C1QTNF7: variants seen among roughly 807,000 people sequenced by gnomAD.
The protein encoded by C1QTNF7 is complement C1q tumor necrosis factor-related protein 7.
C1QTNF7 carries 15 observed loss-of-function variants against 19.6 expected under a neutral mutation model. The ratio of observed to expected loss-of-function variants is 0.76; its 90% CI spans 0.51 to 1.18. C1QTNF7 has a LOEUF of 1.18. C1QTNF7 is among the 50% of genes most tolerant of loss of function. The pLI is 0.00. For missense variants in C1QTNF7, 324 were observed against 359.7 expected, an observed-to-expected ratio of 0.90 and a Z score of 0.80; for synonymous variants, 142 against 137.5, an observed-to-expected ratio of 1.03 and a Z score of -0.23.
chr4:15,355,526 G>A (rs770095234), intron 1 of C1QTNF7, among the ~76,000 whole-genome samples: 1 of 152,008 alleles, frequency 6.6e-6, no homozygotes, highest in Non-Finnish European at 1.5e-5. Context: ...TGGAGAGGTG[G>A]CTCAGACCAC....
upstream of C1QTNF7, among the ~76,000 whole-genome samples, chr4:15,423,082 A>G (rs1162803357): frequency 6.6e-6 from 1 of 152,230 alleles, no homozygotes; most frequent in Non-Finnish European, 1.5e-5. Flanking sequence ...GTGAAGTAGA[A>G]ACCAGGTATC....
intron 1 of C1QTNF7, among the ~76,000 whole-genome samples, chr4:15,388,016 C>A (rs535027295): frequency 3.3e-5 from 5 of 152,274 alleles, no homozygotes; most frequent in Middle Eastern, 3.4e-3. Context: ...AGGCACTAAC[C>A]ATTCATTCTT....
chr4:15,405,770 T>TA (rs1347997474), intron 1 of C1QTNF7, among the ~76,000 whole-genome samples: 2 of 152,226 alleles, frequency 1.3e-5, no homozygotes, highest in African/African-American at 2.4e-5. Flanking sequence ...GACCTTCAAA[T>TA]AAAAAAACTC....
At chr4:15,404,964 G>T (rs952957005) in intron 1 of C1QTNF7, among the ~76,000 whole-genome samples, 2 of 152,144 alleles carry the variant, frequency 1.3e-5, no homozygotes, top group Admixed American at 6.5e-5. Flanking sequence ...GAACTTCAAT[G>T]ATTTGCATAA....
chr4:15,408,044 G>A lies in C1QTNF7; in HGVS notation c.14-27692G>A, dbSNP rs550174840. Among the ~76,000 whole-genome samples, 8 of 152,228 alleles carry A rather than the reference G, an allele frequency of 5.3e-5. No homozygotes were observed. In the East Asian group the frequency reaches 7.7e-4, roughly 15 times the overall value. The stretch of plus-strand genomic sequence containing the variant: ...AGCACTTTGGGAGGCCGAGGCAGGC[G>A]GATCATGAGGTCAGGAGTTCGAGAG... On this transcript the variant is annotated intron_variant, in intron 1 of 2. Transcript: ENST00000295297.
Position 15,350,447 on chromosome 4 carries a change from GTAAAGTTACTCAT to G in C1QTNF7, c.13+10242_13+10254del, listed in dbSNP as rs1716898110. On this transcript the variant is annotated intron_variant, in intron 1 of 2. Transcript: ENST00000295297. ...GTAAAGTTACTCATTTTCTTTCCCT[GTAAAGTTACTCAT>G]TTTCTTCCCCTCTGTCACCATTGCC... is the stretch of plus-strand genomic sequence containing the variant. 3.1e-5 allele frequency among the ~76,000 whole-genome samples: 3 copies of G among 98,100 alleles called. No homozygotes were observed. The Admixed American group carries it at 3.4e-4, about 11-fold the overall frequency. The allele number at this position is 98,100 out of a possible 152,430, so 64.4% of individuals were successfully genotyped here. A position where few individuals can be genotyped will look rare whatever the true frequency, so the allele number is the denominator to read the frequency against.
At chr4:15,340,352 G>A in intron 1 of C1QTNF7, 1 of 1,086,610 alleles carries the variant, frequency 9.2e-7, no homozygotes, top group Non-Finnish European at 1.3e-6. Context: ...TAAATCAGAG[G>A]TTAGAAAACC....
chr4:15,354,983 G>A (rs185354602), intron 1 of C1QTNF7, among the ~76,000 whole-genome samples: 4 of 152,200 alleles, frequency 2.6e-5, no homozygotes, highest in Non-Finnish European at 5.9e-5. Flanking sequence ...TAGCCAGGGC[G>A]CGCTTTGGGG....
chr4:15,401,275 C>T (rs924187487), intron 1 of C1QTNF7, among the ~76,000 whole-genome samples: 4 of 152,062 alleles, frequency 2.6e-5, no homozygotes, highest in Non-Finnish European at 4.4e-5. Context: ...TGGGGAGGAG[C>T]GACCTTGCAG....
rs150380187 is a variant in C1QTNF7 at position 15,342,449 on chromosome 4, C to T, written c.13+2242C>T. ...CACTCTGTGCCAGATACTTTATCAA[C>T]GCTCTTTGAACGTGTCCTTGACAAA... On this transcript the variant is annotated intron_variant, in intron 1 of 2. Transcript: ENST00000295297. Among the ~76,000 whole-genome samples the T allele has an allele frequency of 1.1e-3, 171 of 152,316 alleles. 1 individual carries two copies. The highest frequency in any genetic ancestry group is 3.3e-3 in the African/African-American group (139 of 41,576).
At position 15,422,911 on chromosome 4, in the gene C1QTNF7, C is replaced by G. The variant is rs113995347; in HGVS notation, c.14-12825C>G. ...GTTATGAGCCACCACGTCTGGCCAA[C>G]TTTCTATAAGTTTTTAAGTTTTTTA... is the stretch of plus-strand genomic sequence containing the variant. On this transcript the variant is annotated intron_variant, in intron 1 of 2. Transcript: ENST00000295297. Among the ~76,000 whole-genome samples the G allele has an allele frequency of 3.3e-3, 501 of 152,218 alleles. 3 individuals are homozygous for G. The highest frequency in any genetic ancestry group is 0.011 in the African/African-American group (464 of 41,520).
chr4:15,383,024 C>G (rs1403192455), intron 1 of C1QTNF7, among the ~76,000 whole-genome samples: 1 of 152,168 alleles, frequency 6.6e-6, no homozygotes, highest in East Asian at 1.9e-4. Flanking sequence ...GACTTAGGAG[C>G]CTAAGCATGC....
intron 1 of C1QTNF7, among the ~76,000 whole-genome samples, chr4:15,356,029 G>T (rs1577231413): frequency 6.6e-6 from 1 of 151,918 alleles, no homozygotes; most frequent in Non-Finnish European, 1.5e-5. Context: ...TAGAGACAGG[G>T]TCTTACCAAG....
At chr4:15,418,829 A>G (rs1488065812) in intron 1 of C1QTNF7, among the ~76,000 whole-genome samples, 1 of 152,204 alleles carries the variant, frequency 6.6e-6, no homozygotes, top group Admixed American at 6.5e-5. Context: ...AGAAAGACTG[A>G]GTTGGTGTAT....
rs527420456 is a variant in C1QTNF7, at chr4:15,398,557, G to A, written c.14-37179G>A. Among the ~76,000 whole-genome samples, 4 of 152,266 alleles carry A rather than the reference G, an allele frequency of 2.6e-5. No individual in the cohort carries two copies. The South Asian group carries it at 8.3e-4, about 32-fold the overall frequency. On this transcript the variant is annotated intron_variant, in intron 1 of 2. Transcript: ENST00000295297. ...CTAGGCTCAGGACTCCTCTGTCTGAGTAGACAAGCCCTACTCAAATCTCAA... is the reference window on the plus strand; with the variant it reads ...CTAGGCTCAGGACTCCTCTGTCTGAATAGACAAGCCCTACTCAAATCTCAA...
At chr4:15,391,689 T>C (rs1184656007) in intron 1 of C1QTNF7, among the ~76,000 whole-genome samples, 1 of 152,182 alleles carries the variant, frequency 6.6e-6, no homozygotes, top group African/African-American at 2.4e-5. Flanking sequence ...AGCAACAATA[T>C]GTATTATTAA....
rs1560370395 is a variant in C1QTNF7, at chr4:15,435,747, T to C, written c.4T>C (p.Phe2Leu). M[F>L]VLLYVTSFAI... ...TGTTTCTCTTCCAGAGCCAAAGATG[T>C]TTGTCTTGCTCTATGTTACAAGTTT... The change falls in exon 2 of 3, where the codon TTT (phenylalanine) becomes CTT (leucine). Residue 2 changes from phenylalanine (F) to leucine (L), a missense_variant. Coordinates refer to ENST00000444304, the MANE Select transcript of C1QTNF7 (RefSeq NM_031911.5). The C allele has an allele frequency of 6.2e-7, 1 of 1,614,150 alleles. No homozygotes were observed. The highest frequency in any genetic ancestry group is 2.2e-5 in the East Asian group (1 of 44,870).
intron 2 of C1QTNF7, among the ~76,000 whole-genome samples, chr4:15,441,625 A>C (rs896508890): frequency 6.6e-6 from 1 of 152,212 alleles, no homozygotes; most frequent in African/African-American, 2.4e-5. Flanking sequence ...AATTATGTTA[A>C]ATTTGTCAGG....
At chr4:15,388,934 G>A (rs1409566181) in intron 1 of C1QTNF7, among the ~76,000 whole-genome samples, 1 of 152,212 alleles carries the variant, frequency 6.6e-6, no homozygotes, top group East Asian at 1.9e-4. Context: ...AAAGAGCAAG[G>A]AGGAGCAGGG....
Sources: gnomAD v4.1 joint callset for allele counts (sites outside exome capture counted in the v4.1 genomes callset) on GRCh38, gnomAD v4.1.1 for gene constraint, MANE v1.5 for transcripts, NCBI Gene and HGNC (gene_info 2026-07-23, HGNC 2026-07-21) for gene names.